The following ZBED6 variants were observed in gnomAD, a reference collection of about 807,000 sequenced individuals.
ZBED6 encodes zinc finger BED-type containing 6.
In ZBED6, 40 loss-of-function variants were observed where a neutral mutation model predicts 58.4. The ratio of observed to expected loss-of-function variants is 0.68; its 90% CI spans 0.53 to 0.89. ZBED6 has a LOEUF of 0.89. Ranked by LOEUF, ZBED6 falls within the 40% of genes least tolerant of loss-of-function variation. The pLI is 0.00. For synonymous variants in ZBED6, 439 were observed against 350.6 expected (o/e 1.25, Z -2.82); for missense variants, 1,057 against 1,003.9 (o/e 1.05, Z -0.71).
intron 1 of ZBED6, among the ~76,000 whole-genome samples, chr1:203,807,266 T>A (rs1672705921): frequency 6.6e-6 from 1 of 152,186 alleles, no homozygotes; most frequent in African/African-American, 2.4e-5. Context: ...CCAAAGCAGC[T>A]GTTTTAAACA....
exon 1 of ZBED6, chr1:203,798,203 A>G (rs1344128095): frequency 1.2e-5 from 19 of 1,536,046 alleles, no homozygotes; most frequent in Non-Finnish European, 1.7e-5. Context: ...ATGATAATAG[A>G]ATGGGCAAGA....
intron 11 of ZBED6, among the ~76,000 whole-genome samples, chr1:203,846,921 T>C (rs749938855): frequency 2.6e-5 from 4 of 151,768 alleles, no homozygotes; most frequent in Non-Finnish European, 5.9e-5. Context: ...GGAGAATCAC[T>C]TGAACCCTGG....
intron 9 of ZBED6, among the ~76,000 whole-genome samples, chr1:203,834,549 G>A (rs1683591234): frequency 6.6e-6 from 1 of 152,196 alleles, no homozygotes; most frequent in South Asian, 2.1e-4. Context: ...TGCAATTACA[G>A]GCATGAGATA....
intron 11 of ZBED6, among the ~76,000 whole-genome samples, chr1:203,844,632 C>G (rs1261377631): frequency 6.6e-6 from 1 of 151,764 alleles, no homozygotes; most frequent in Admixed American, 6.6e-5. Context: ...TTTTAAAGAC[C>G]CTTTCCCCAA....
At chr1:203,847,461 T>A (rs1688198573) in exon 12 of ZBED6, 1 of 1,613,714 alleles carries the variant, frequency 6.2e-7, no homozygotes, top group Non-Finnish European at 8.5e-7. Context: ...ATAGTGAAAT[T>A]AAAAAAACAG....
intron 6 of ZBED6, 49 bp from the exon 7 acceptor site, chr1:203,830,074 A>G (rs376767981): frequency 1.4e-6 from 2 of 1,471,572 alleles, no homozygotes; most frequent in African/African-American, 1.4e-5. Context: ...ATAAAATACA[A>G]AGATGAAAAG....
At chr1:203,842,625 CT>C (rs575844553) in intron 11 of ZBED6, among the ~76,000 whole-genome samples, 2,798 of 128,270 alleles carry the variant, frequency 0.022, 22 homozygotes, top group African/African-American at 0.037. Flanking sequence ...GAGGGGGAAT[CT>C]TTTTTTTTTT....
chr1:203,822,951 A>C (rs1679264263), intron 3 of ZBED6, among the ~76,000 whole-genome samples: 1 of 151,982 alleles, frequency 6.6e-6, no homozygotes, highest in African/African-American at 2.4e-5. Context: ...GGGGTCAGCT[A>C]CTCCAGTCTG....
chr1:203,818,852 G>A (rs1223432331), intron 3 of ZBED6, among the ~76,000 whole-genome samples, 163 bp downstream of exon 3: 1 of 151,766 alleles, frequency 6.6e-6, no homozygotes, highest in African/African-American at 2.4e-5. Context: ...GGTAGATCAT[G>A]AGGTCAGGAG....
chr1:203,813,781 A>T (rs932521505), intron 1 of ZBED6, among the ~76,000 whole-genome samples: 4 of 152,060 alleles, frequency 2.6e-5, no homozygotes, highest in African/African-American at 9.7e-5. Flanking sequence ...TTGTAGATGC[A>T]TCACTCCAGC....
chr1:203,812,094 T>C (rs1674672608), intron 1 of ZBED6, among the ~76,000 whole-genome samples: 1 of 151,996 alleles, frequency 6.6e-6, no homozygotes, highest in South Asian at 2.1e-4. Context: ...TGGGATTACA[T>C]GTATGAGTCA....
chr1:203,830,801 C>G (rs1354541593), intron 7 of ZBED6, among the ~76,000 whole-genome samples: 1 of 151,928 alleles, frequency 6.6e-6, no homozygotes, highest in African/African-American at 2.4e-5. Context: ...GATCAAGACT[C>G]TGTCTCAAAA....
At chr1:203,812,920 T>G (rs931874362) in intron 1 of ZBED6, among the ~76,000 whole-genome samples, 3 of 152,196 alleles carry the variant, frequency 2.0e-5, no homozygotes, top group Non-Finnish European at 4.4e-5. Flanking sequence ...CAATCCCTAA[T>G]GATGCATGAT....
exon 1 of ZBED6, chr1:203,801,642 G>A (rs1413410803): frequency 6.6e-6 from 1 of 152,428 alleles, no homozygotes; most frequent in African/African-American, 2.4e-5. Context: ...AGTAAAAGGT[G>A]TCCACTTTTT....
At chr1:203,840,278 T>G in intron 10 of ZBED6, 28 bp from the exon 11 acceptor site, 1 of 1,609,898 alleles carries the variant, frequency 6.2e-7, no homozygotes. Flanking sequence ...GTTCAACTTT[T>G]GATTTTTGAA....
chr1:203,799,412 A>G (rs1187585157), exon 1 of ZBED6: 2 of 703,142 alleles, frequency 2.8e-6, no homozygotes, highest in Non-Finnish European at 5.2e-6. Flanking sequence ...AAGAGTTCCA[A>G]AATGATCACC....
chr1:203,840,446 T>A, intron 11 of ZBED6, 72 bp downstream of exon 11: 4 of 1,462,036 alleles, frequency 2.7e-6, no homozygotes, highest in Non-Finnish European at 3.8e-6. Context: ...TTTCTCAGAT[T>A]TACCTGTTGC....
At chr1:203,835,714 T>C (rs770719137) in intron 9 of ZBED6, 3 of 255,582 alleles carry the variant, frequency 1.2e-5, no homozygotes, top group Non-Finnish European at 2.5e-5. Context: ...ATGACTCTGG[T>C]TTTGTTTGGT....
intron 8 of ZBED6, among the ~76,000 whole-genome samples, chr1:203,832,394 T>A (rs1487732982): frequency 6.6e-6 from 1 of 151,496 alleles, no homozygotes; most frequent in Admixed American, 6.6e-5. Context: ...GGAGTCTTGC[T>A]CTGTCGCCCA....
Sources: allele counts gnomAD v4.1 joint callset (sites outside exome capture counted in the v4.1 genomes callset), GRCh38; gene constraint gnomAD v4.1.1; transcripts MANE v1.5; gene names NCBI Gene and HGNC (gene_info 2026-07-23, HGNC 2026-07-21).